Variants in IQSEC1 observed in about 807,000 individuals in gnomAD.
IQSEC1 encodes the protein IQ motif and SEC7 domain-containing protein 1.
Under a neutral mutation model 91.0 loss-of-function variants are expected in IQSEC1, and 31 were observed. That is an observed-to-expected ratio of 0.34 (90% CI 0.26 to 0.46). The LOEUF (loss-of-function observed/expected upper bound fraction) is 0.46. Among genes scored for constraint, IQSEC1 ranks in the 20% least tolerant of loss-of-function variants. The pLI is 1.00. For missense variants in IQSEC1, 1,388 were observed against 1,575.6 expected, an observed-to-expected ratio of 0.88 and a Z score of 2.02; for synonymous variants, 699 against 662.6, an observed-to-expected ratio of 1.05 and a Z score of -0.84.
At chr3:13,096,541 G>A (rs913483177) in intron 2 of IQSEC1, among the ~76,000 whole-genome samples, 2 of 152,220 alleles carry the variant, frequency 1.3e-5, no homozygotes, top group Non-Finnish European at 2.9e-5. Context: ...ACACCACAGA[G>A]GAGGTGCCAT....
At chr3:12,997,347 A>G (rs932389791) in intron 1 of IQSEC1, among the ~76,000 whole-genome samples, 1 of 152,252 alleles carries the variant, frequency 6.6e-6, no homozygotes, top group East Asian at 1.9e-4. Flanking sequence ...GGTGCATGGA[A>G]TGGATATGTG....
intron 1 of IQSEC1, among the ~76,000 whole-genome samples, chr3:13,205,073 C>T (rs959332880): frequency 6.6e-6 from 1 of 151,952 alleles, no homozygotes; most frequent in Admixed American, 6.6e-5. Context: ...GCTGGGATTA[C>T]AGGTGTGAGC....
chr3:13,082,321 C>T (rs375862255), intron 2 of IQSEC1, among the ~76,000 whole-genome samples: 39 of 152,328 alleles, frequency 2.6e-4, no homozygotes, highest in African/African-American at 8.7e-4. Context: ...AGTCTCACCA[C>T]CCCTGACTCT....
chr3:13,136,012 C>T (rs749853683), intron 2 of IQSEC1, among the ~76,000 whole-genome samples: 2 of 152,348 alleles, frequency 1.3e-5, no homozygotes, highest in Middle Eastern at 3.4e-3. Context: ...CCCTGCTGGG[C>T]GGTGCAGACC....
intron 1 of IQSEC1, among the ~76,000 whole-genome samples, chr3:13,174,626 T>C (rs993589542): frequency 2.6e-5 from 4 of 152,122 alleles, no homozygotes; most frequent in Non-Finnish European, 5.9e-5. Flanking sequence ...TCTCCTGCCC[T>C]GCCTGGGCCA....
At position 13,154,438 on chromosome 3, in the gene IQSEC1, CATATATATATATATATATATATAT is replaced by C. The variant is rs774589168; in HGVS notation, c.302+9642_302+9665del. On this transcript the variant is annotated intron_variant, in intron 2 of 15. Coordinates refer to the IQSEC1 transcript ENST00000648114. The stretch of plus-strand genomic sequence containing the variant: ...ACACCAGGAAGCTGGAACTTACATG[CATATATATATATATATATATATAT>C]ATATATATATATATGCAAAAACTGA... Among the ~76,000 whole-genome samples the C allele has an allele frequency of 7.2e-4, 15 of 20,758 alleles. 3 individuals carry two copies. Among genetic ancestry groups the C allele is most frequent in the East Asian group, 3.6e-3 (2 of 552 alleles). The allele number at this position is 20,758 out of a possible 152,430, so 13.6% of individuals were successfully genotyped here.
chr3:13,250,255 A>G (rs1695170766), intron 1 of IQSEC1, among the ~76,000 whole-genome samples: 2 of 152,132 alleles, frequency 1.3e-5, no homozygotes, highest in Non-Finnish European at 2.9e-5. Flanking sequence ...GAGCCAAGAC[A>G]GCGAGATAGC....
chr3:13,014,250 A>T (rs949589462), intron 1 of IQSEC1, among the ~76,000 whole-genome samples: 6 of 152,110 alleles, frequency 3.9e-5, no homozygotes, highest in Admixed American at 3.3e-4. Context: ...TGAGATGGGA[A>T]CCCAGAGTCA....
intron 1 of IQSEC1, among the ~76,000 whole-genome samples, chr3:13,254,271 C>T (rs1695248693): frequency 6.6e-6 from 1 of 152,266 alleles, no homozygotes; most frequent in Non-Finnish European, 1.5e-5. Flanking sequence ...GGCTAGGCCA[C>T]ACCCTGGGGA....
intron 1 of IQSEC1, among the ~76,000 whole-genome samples, chr3:13,030,901 C>A (rs977490964): frequency 2.0e-5 from 3 of 152,264 alleles, no homozygotes; most frequent in African/African-American, 7.2e-5. Flanking sequence ...GCAGCTATCT[C>A]CACTTCCACG....
intron 6 of IQSEC1, among the ~76,000 whole-genome samples, chr3:12,915,938 G>T (rs547274542): frequency 6.6e-6 from 1 of 152,282 alleles, no homozygotes; most frequent in African/African-American, 2.4e-5. Flanking sequence ...CATCCGACCC[G>T]GTCTAGTAGG....
At chr3:13,134,841 C>A (rs1256693739) in intron 2 of IQSEC1, among the ~76,000 whole-genome samples, 6 of 152,176 alleles carry the variant, frequency 3.9e-5, no homozygotes, top group African/African-American at 1.4e-4. Flanking sequence ...ACAGCTGGCC[C>A]AGTCCAGCCT....
At chr3:13,219,887 T>C (rs1460784881) in intron 1 of IQSEC1, among the ~76,000 whole-genome samples, 3 of 152,226 alleles carry the variant, frequency 2.0e-5, no homozygotes, top group Non-Finnish European at 4.4e-5. Flanking sequence ...CTGCCCACAA[T>C]ATCCAGAGAG....
At chr3:13,083,218 G>A (rs1476945488) in intron 2 of IQSEC1, among the ~76,000 whole-genome samples, 2 of 152,158 alleles carry the variant, frequency 1.3e-5, no homozygotes, top group Non-Finnish European at 2.9e-5. Flanking sequence ...TAGTGTTCAA[G>A]GAGAGAGAGG....
intron 1 of IQSEC1, among the ~76,000 whole-genome samples, chr3:12,971,857 A>C (rs1379515574): frequency 6.6e-6 from 1 of 152,194 alleles, no homozygotes; most frequent in Non-Finnish European, 1.5e-5. Flanking sequence ...CCCCATCTCT[A>C]CTAAAAATAC....
At chr3:13,171,915 C>T (rs148041915) in intron 1 of IQSEC1, among the ~76,000 whole-genome samples, 126 of 152,154 alleles carry the variant, frequency 8.3e-4, no homozygotes, top group African/African-American at 2.7e-3. Flanking sequence ...GGTGGCAATC[C>T]GAGAGGCTTC....
chr3:13,210,408 G>A (rs1016434411), intron 1 of IQSEC1, among the ~76,000 whole-genome samples: 20 of 152,216 alleles, frequency 1.3e-4, no homozygotes, highest in African/African-American at 4.6e-4. Flanking sequence ...CACCTCCCTG[G>A]GCTGCCCAGG....
intron 1 of IQSEC1, among the ~76,000 whole-genome samples, chr3:12,977,580 G>A (rs1436131581): frequency 6.6e-6 from 1 of 152,186 alleles, no homozygotes; most frequent in African/African-American, 2.4e-5. Context: ...CAGGGCCGGG[G>A]CTGCATTCCT....
chr3:13,130,964 G>A (rs979239976), intron 2 of IQSEC1, among the ~76,000 whole-genome samples: 5 of 144,488 alleles, frequency 3.5e-5, no homozygotes, highest in Admixed American at 2.8e-4. Flanking sequence ...AAGGAAGGAG[G>A]GAAAGAAGGA....
Sources: gnomAD v4.1 joint callset for allele counts (sites outside exome capture counted in the v4.1 genomes callset) on GRCh38, gnomAD v4.1.1 for gene constraint, MANE v1.5 for transcripts, NCBI Gene and HGNC (gene_info 2026-07-23, HGNC 2026-07-21) for gene names.